The following PHKB variants were observed in gnomAD, a reference collection of about 807,000 sequenced individuals.
The protein encoded by PHKB is phosphorylase b kinase regulatory subunit beta.
Under a neutral mutation model 152.1 loss-of-function variants are expected in PHKB, and 122 were observed. That is an observed-to-expected ratio of 0.80 (90% CI 0.69 to 0.93). PHKB has a LOEUF of 0.93. PHKB is among the 40% of genes least tolerant of loss of function. The probability of loss-of-function intolerance (pLI) is 0.00; values close to 1 mark genes in which losing one functional copy is unlikely to be tolerated. For missense variants in PHKB, 1,304 were observed against 1,328.4 expected (o/e 0.98, Z 0.29); for synonymous variants, 436 against 464.9 (o/e 0.94, Z 0.80).
intron 1 of PHKB, among the ~76,000 whole-genome samples, chr16:47,471,150 A>C (rs1969760688): frequency 6.6e-6 from 1 of 152,180 alleles, no homozygotes; most frequent in South Asian, 2.1e-4. Flanking sequence ...TGGAAGTGAT[A>C]TTTAACTCCT....
At chr16:47,523,515 C>T (rs1970718318) in intron 6 of PHKB, among the ~76,000 whole-genome samples, 1 of 152,184 alleles carries the variant, frequency 6.6e-6, no homozygotes, top group Non-Finnish European at 1.5e-5. Context: ...TGAAAGCTCT[C>T]ATAGGAAGTG....
intron 8 of PHKB, among the ~76,000 whole-genome samples, chr16:47,582,907 C>T (rs554568955): frequency 6.6e-6 from 1 of 152,324 alleles, no homozygotes; most frequent in East Asian, 1.9e-4. Context: ...AGCGATTCTC[C>T]TGCCTCAGCC....
At chr16:47,607,440 C>A (rs1972346107) in intron 13 of PHKB, among the ~76,000 whole-genome samples, 1 of 152,104 alleles carries the variant, frequency 6.6e-6, no homozygotes, top group African/African-American at 2.4e-5. Context: ...TGATAATGGA[C>A]CTTTGTGTCT....
intron 8 of PHKB, among the ~76,000 whole-genome samples, chr16:47,585,984 G>A (rs563677932): frequency 6.6e-6 from 1 of 152,150 alleles, no homozygotes; most frequent in African/African-American, 2.4e-5. Context: ...TATTTTTTGT[G>A]TATTCATAGG....
At chr16:47,690,338 C>T (rs1597184558) in intron 27 of PHKB, among the ~76,000 whole-genome samples, 1 of 152,120 alleles carries the variant, frequency 6.6e-6, no homozygotes, top group Admixed American at 6.5e-5. Context: ...TTCCTTTTTA[C>T]TCTTAGTATG....
At chr16:47,636,753 G>C (rs1361085015) in intron 14 of PHKB, among the ~76,000 whole-genome samples, 1 of 152,190 alleles carries the variant, frequency 6.6e-6, no homozygotes, top group Non-Finnish European at 1.5e-5. Context: ...GGTATCCCTT[G>C]GCACAAACAG....
intron 18 of PHKB, among the ~76,000 whole-genome samples, chr16:47,649,501 T>C (rs979562471): frequency 2.0e-5 from 3 of 152,134 alleles, no homozygotes; most frequent in Non-Finnish European, 2.9e-5. Flanking sequence ...CATATGACAG[T>C]TTATGTCTTT....
intron 4 of PHKB, among the ~76,000 whole-genome samples, chr16:47,510,691 A>C (rs935327081): frequency 6.6e-6 from 1 of 152,226 alleles, no homozygotes; most frequent in Admixed American, 6.5e-5. Context: ...GTATAAAAGA[A>C]GATTTTTTTA....
chr16:47,674,045 T>C (rs1384360422), intron 26 of PHKB, among the ~76,000 whole-genome samples: 1 of 152,230 alleles, frequency 6.6e-6, no homozygotes, highest in Non-Finnish European at 1.5e-5. Flanking sequence ...CAGGCTTTAG[T>C]GTTTATTTCT....
At chr16:47,673,663 A>G (rs1421159511) in intron 26 of PHKB, among the ~76,000 whole-genome samples, 1 of 152,144 alleles carries the variant, frequency 6.6e-6, no homozygotes, top group Non-Finnish European at 1.5e-5. Flanking sequence ...GACAAGTTTA[A>G]ATAACGTGAT....
intron 1 of PHKB, among the ~76,000 whole-genome samples, chr16:47,493,243 GCAGTTAGAATAAA>G (rs1970180670): frequency 6.6e-6 from 1 of 152,184 alleles, no homozygotes; most frequent in South Asian, 2.1e-4. Context: ...GAAGGGAAGA[GCAGTTAGAATAAA>G]CAGAAAGAGG....
At chr16:47,518,455 G>A (rs1026863898) in intron 6 of PHKB, among the ~76,000 whole-genome samples, 1 of 152,112 alleles carries the variant, frequency 6.6e-6, no homozygotes, top group Non-Finnish European at 1.5e-5. Context: ...AGGGTCATGT[G>A]CACCTTTACA....
intron 1 of PHKB, among the ~76,000 whole-genome samples, chr16:47,474,829 A>G (rs1426776083): frequency 2.0e-5 from 3 of 151,902 alleles, no homozygotes; most frequent in Admixed American, 2.0e-4. Flanking sequence ...GGTTCAAGCG[A>G]TTCTCCTGCC....
At chr16:47,583,423 A>T (rs971481621) in intron 8 of PHKB, among the ~76,000 whole-genome samples, 1 of 152,256 alleles carries the variant, frequency 6.6e-6, no homozygotes, top group Non-Finnish European at 1.5e-5. Context: ...AAGAATTGAC[A>T]TAAAGAAATG....
intron 26 of PHKB, among the ~76,000 whole-genome samples, chr16:47,674,647 G>T (rs58190241): frequency 6.6e-6 from 1 of 152,094 alleles, no homozygotes; most frequent in Non-Finnish European, 1.5e-5. Flanking sequence ...TACTTTCAAG[G>T]TCAGTATTTG....
At chr16:47,622,620 C>G (rs1972636585) in intron 14 of PHKB, among the ~76,000 whole-genome samples, 1 of 152,062 alleles carries the variant, frequency 6.6e-6, no homozygotes, top group Non-Finnish European at 1.5e-5. Flanking sequence ...TCAGTGACAC[C>G]CAAGCTTTGA....
At chr16:47,473,247 T>TTTTTTA (rs1969810139) in intron 1 of PHKB, among the ~76,000 whole-genome samples, 1 of 131,832 alleles carries the variant, frequency 7.6e-6, no homozygotes, top group Non-Finnish European at 1.6e-5. Flanking sequence ...TTTTTTTTTT[T>TTTTTTA]TTTTTATTGT....
chr16:47,489,099 G>A (rs1183287273), intron 1 of PHKB, among the ~76,000 whole-genome samples: 3 of 152,098 alleles, frequency 2.0e-5, no homozygotes, highest in African/African-American at 4.8e-5. Flanking sequence ...TGCCGCCCAG[G>A]CTGGAGCGCA....
At chr16:47,578,248 T>C (rs752838051) in intron 7 of PHKB, among the ~76,000 whole-genome samples, 16 of 152,208 alleles carry the variant, frequency 1.1e-4, no homozygotes, top group Non-Finnish European at 2.1e-4. Context: ...TTGAAGCACT[T>C]TTATCATGGC....
Sources: allele counts gnomAD v4.1 joint callset (sites outside exome capture counted in the v4.1 genomes callset), GRCh38; gene constraint gnomAD v4.1.1; transcripts MANE v1.5; gene names NCBI Gene and HGNC (gene_info 2026-07-23, HGNC 2026-07-21).